The following HS3ST3A1 variants were observed in gnomAD, a reference collection of about 807,000 sequenced individuals.
HS3ST3A1 encodes the protein heparan sulfate-glucosamine 3-sulfotransferase 3A1.
HS3ST3A1 carries 19 observed loss-of-function variants against 25.7 expected under a neutral mutation model. The ratio of observed to expected loss-of-function variants is 0.74; its 90% confidence interval spans 0.52 to 1.08. HS3ST3A1 has a LOEUF of 1.08. Ranked by LOEUF, HS3ST3A1 falls within the 50% of genes least tolerant of loss-of-function variation. The pLI is 0.00. For missense variants in HS3ST3A1, 459 were observed against 594.3 expected (o/e 0.77, Z 2.37); for synonymous variants, 226 against 278.6 (o/e 0.81, Z 1.88).
At chr17:13,578,546 G>C (rs979849490) in intron 1 of HS3ST3A1, among the ~76,000 whole-genome samples, 4 of 140,666 alleles carry the variant, frequency 2.8e-5, no homozygotes, top group Admixed American at 2.2e-4. Context: ...CCGGGTGACA[G>C]AGCCAGACTC....
At chr17:13,551,649 T>C (rs1907251910) in intron 1 of HS3ST3A1, among the ~76,000 whole-genome samples, 1 of 152,010 alleles carries the variant, frequency 6.6e-6, no homozygotes, top group African/African-American at 2.4e-5. Flanking sequence ...TTTTACGTTA[T>C]TTTGAATAAA....
intron 1 of HS3ST3A1, among the ~76,000 whole-genome samples, chr17:13,532,544 C>T (rs933398845): frequency 5.3e-5 from 8 of 151,932 alleles, no homozygotes; most frequent in African/African-American, 9.7e-5. Context: ...AATGAGTTTT[C>T]CAGGAGAGTC....
chr17:13,521,985 A>G (rs1016336947), intron 1 of HS3ST3A1, among the ~76,000 whole-genome samples: 1 of 152,194 alleles, frequency 6.6e-6, no homozygotes, highest in Non-Finnish European at 1.5e-5. Flanking sequence ...CTAGGGTGTG[A>G]TAACAACTGC....
At chr17:13,565,775 A>T (rs1907661576) in intron 1 of HS3ST3A1, among the ~76,000 whole-genome samples, 1 of 152,148 alleles carries the variant, frequency 6.6e-6, no homozygotes, top group Non-Finnish European at 1.5e-5. Flanking sequence ...TTGCTAAAGC[A>T]TGTCATTTAG....
chr17:13,498,568 A>G (rs1029200824), intron 1 of HS3ST3A1, among the ~76,000 whole-genome samples: 1 of 152,096 alleles, frequency 6.6e-6, no homozygotes, highest in Non-Finnish European at 1.5e-5. Flanking sequence ...GTTTGACTGT[A>G]GGTCATAAGA....
intron 1 of HS3ST3A1, among the ~76,000 whole-genome samples, chr17:13,508,623 T>C (rs1176595924): frequency 6.6e-6 from 1 of 152,238 alleles, no homozygotes; most frequent in African/African-American, 2.4e-5. Context: ...GGAACTCATG[T>C]ATTCATAAGA....
At chr17:13,590,654 G>A (rs981128593) in intron 1 of HS3ST3A1, among the ~76,000 whole-genome samples, 2 of 152,152 alleles carry the variant, frequency 1.3e-5, no homozygotes, top group African/African-American at 4.8e-5. Flanking sequence ...GTGACTAATG[G>A]TCTGACCACT....
intron 1 of HS3ST3A1, among the ~76,000 whole-genome samples, chr17:13,528,714 G>A (rs1447954837): frequency 6.6e-6 from 1 of 152,216 alleles, no homozygotes; most frequent in South Asian, 2.1e-4. Context: ...AGAAGAGGGT[G>A]TGATGGATCC....
In HS3ST3A1 at chr17:13,496,147, T is replaced by TA. The variant is rs770247855; in HGVS notation, c.*49dup. The TA allele has an allele frequency of 3.6e-5, 52 of 1,456,384 alleles. No homozygotes were observed. Among genetic ancestry groups the TA allele is most frequent in the East Asian group, 1.3e-4 (5 of 39,436 alleles). 90.2% of individuals were successfully genotyped at this position (1,456,384 alleles called of 1,614,324 possible). A position where few individuals can be genotyped will look rare whatever the true frequency, so the allele number is the denominator to read the frequency against. On this transcript the variant is annotated 3_prime_UTR_variant, in exon 2 of 2. Coordinates refer to ENST00000284110, the MANE Select transcript of HS3ST3A1 (RefSeq NM_006042.3). Reference sequence around the variant, plus strand: ...AAACTGTCTCTTCTCTACCGATTGGTAAAAAAATATATTATATTTTGATTT... The same window carrying TA: ...AAACTGTCTCTTCTCTACCGATTGGTAAAAAAAATATATTATATTTTGATTT...
intron 1 of HS3ST3A1, among the ~76,000 whole-genome samples, chr17:13,501,116 A>G (rs1208839610): frequency 6.6e-6 from 1 of 152,194 alleles, no homozygotes; most frequent in Non-Finnish European, 1.5e-5. Context: ...GGGAAGAGGA[A>G]CAGAGAACTA....
intron 1 of HS3ST3A1, among the ~76,000 whole-genome samples, chr17:13,559,094 T>C (rs535621226): frequency 8.5e-5 from 13 of 152,226 alleles, no homozygotes; most frequent in Non-Finnish European, 1.9e-4. Flanking sequence ...GTAACAATTA[T>C]GTAAAACAAG....
intron 1 of HS3ST3A1, among the ~76,000 whole-genome samples, chr17:13,579,644 T>G (rs1469483880): frequency 3.0e-5 from 4 of 132,230 alleles, no homozygotes; most frequent in Middle Eastern, 5.0e-3. Flanking sequence ...GAGGTTGCAG[T>G]GAGCCAAGAT....
intron 1 of HS3ST3A1, among the ~76,000 whole-genome samples, chr17:13,556,850 T>TATA (rs1907392846): frequency 1.6e-5 from 2 of 124,920 alleles, no homozygotes; most frequent in Non-Finnish European, 1.8e-5. Context: ...AAACTCCGCC[T>TATA]AAAAAAAAAA....
At chr17:13,526,060 T>C (rs1189007236) in intron 1 of HS3ST3A1, among the ~76,000 whole-genome samples, 3 of 151,952 alleles carry the variant, frequency 2.0e-5, no homozygotes, top group African/African-American at 7.2e-5. Flanking sequence ...AACCTTGCCA[T>C]CTGCAGGCCT....
intron 1 of HS3ST3A1, among the ~76,000 whole-genome samples, chr17:13,524,518 T>G (rs1906349069): frequency 6.6e-6 from 1 of 152,178 alleles, no homozygotes; most frequent in South Asian, 2.1e-4. Flanking sequence ...AGTGTTGGGA[T>G]TACAGGTGTG....
rs1419707634 is a variant in HS3ST3A1, at chr17:13,600,741, C to T, written c.389G>A (p.Gly130Glu). ...CGGCGGGGCCTCGGCCACGGTGCTTCCGGCCCCGGAGCCGCCCGGACCCCC... is the reference window on the plus strand; with the variant it reads ...CGGCGGGGCCTCGGCCACGGTGCTTTCGGCCCCGGAGCCGCCCGGACCCCC... ...LSGGPGGSGA[G>E]STVAEAPPGT... The change falls in exon 1 of 2, where the codon GGA (glycine) becomes GAA (glutamate). Residue 130 changes from glycine to glutamate, a missense_variant. Gly to Glu is a moderately conservative substitution (Grantham distance 98). Coordinates refer to ENST00000284110, the MANE Select transcript of HS3ST3A1 (RefSeq NM_006042.3). 3.9e-5 allele frequency: 59 copies of T among 1,531,484 alleles called. No individual in the cohort carries two copies. Among genetic ancestry groups the T allele is most frequent in the Non-Finnish European group, 5.1e-5 (59 of 1,146,294 alleles). 94.9% of individuals were successfully genotyped at this position (1,531,484 alleles called of 1,614,324 possible).
At chr17:13,531,863 AAG>A (rs1227803473) in intron 1 of HS3ST3A1, among the ~76,000 whole-genome samples, 1 of 152,206 alleles carries the variant, frequency 6.6e-6, no homozygotes, top group African/African-American at 2.4e-5. Context: ...CCCACTCAGG[AAG>A]TTGTATACCT....
intron 1 of HS3ST3A1, among the ~76,000 whole-genome samples, chr17:13,528,353 G>C (rs184235317): frequency 6.6e-6 from 1 of 152,328 alleles, no homozygotes; most frequent in African/African-American, 2.4e-5. Flanking sequence ...GCTGTGTGAC[G>C]TGTGGGCAGC....
chr17:13,533,300 A>G (rs1027936377), intron 1 of HS3ST3A1, among the ~76,000 whole-genome samples: 1 of 152,006 alleles, frequency 6.6e-6, no homozygotes, highest in Non-Finnish European at 1.5e-5. Flanking sequence ...CATATCTGCT[A>G]CAATCCACAC....
Sources: gnomAD v4.1 joint callset for allele counts (sites outside exome capture counted in the v4.1 genomes callset) on GRCh38, gnomAD v4.1.1 for gene constraint, MANE v1.5 for transcripts, NCBI Gene and HGNC (gene_info 2026-07-23, HGNC 2026-07-21) for gene names.